The following ALX3 variants were observed in gnomAD, a reference collection of about 807,000 sequenced individuals.
ALX3 encodes homeobox protein aristaless-like 3.
ALX3 carries 17 observed loss-of-function variants against 26.3 expected under a neutral mutation model. The observed-to-expected ratio is 0.65, with a 90% CI of 0.44 to 0.97. ALX3 has a LOEUF of 0.97. Among genes scored for constraint, ALX3 ranks in the 50% least tolerant of loss-of-function variants. The pLI is 0.00. For missense variants in ALX3, 461 were observed against 466.5 expected (o/e 0.99, Z 0.11); for synonymous variants, 208 against 201.4 (o/e 1.03, Z -0.28).
chr1:110,067,858 T>C (rs1440321891), intron 1 of ALX3, among the ~76,000 whole-genome samples: 1 of 152,212 alleles, frequency 6.6e-6, no homozygotes, highest in African/African-American at 2.4e-5. Context: ...TTCTCAGCGT[T>C]GGCCCAGAAG....
intron 1 of ALX3, 143 bp downstream of exon 1, chr1:110,070,193 T>G: frequency 3.2e-6 from 3 of 951,140 alleles, no homozygotes; most frequent in Non-Finnish European, 2.7e-6. Flanking sequence ...CCGGCTTCCG[T>G]GGAAGCCGTG....
intron 1 of ALX3, 82 bp from the exon 2 acceptor site, chr1:110,064,985 T>C: frequency 7.4e-7 from 1 of 1,343,354 alleles, no homozygotes; most frequent in Non-Finnish European, 1.0e-6. Context: ...GGGAAGAACA[T>C]TGACGCCTCA....
At chr1:110,066,703 A>AG (rs1653800692) in intron 1 of ALX3, among the ~76,000 whole-genome samples, 1 of 151,900 alleles carries the variant, frequency 6.6e-6, no homozygotes, top group Admixed American at 6.6e-5. Flanking sequence ...CAGGCAGAAA[A>AG]GGGGTGAGGG....
chr1:110,064,473 G>A, intron 2 of ALX3, 114 bp downstream of exon 2: 1 of 1,308,732 alleles, frequency 7.6e-7, no homozygotes. Context: ...CAGGCCCCTG[G>A]GAAAGGTAGC....
chr1:110,060,955 G>A lies in ALX3; in HGVS notation c.810C>T (p.Cys270=), dbSNP rs1281168732. Residue 270 remains cysteine (C), a synonymous_variant, in exon 4 of 4, where the codon TGC becomes TGT. Transcript: ENST00000647563. The part of the protein sequence containing the change: ...LVSPEGIPSP[C]MSPYSHPHGS... ...CATGGGGGTGGGAATATGGAGACAT[G>A]CATGGGGAGGGGATGCCCTCTGGAG... 1 of 1,613,102 alleles carries A rather than the reference G, an allele frequency of 6.2e-7. No individual in the cohort carries two copies. The highest frequency in any genetic ancestry group is 8.5e-7 in the Non-Finnish European group (1 of 1,179,722).
chr1:110,068,789 C>T (rs1454592378), intron 1 of ALX3, among the ~76,000 whole-genome samples: 1 of 152,048 alleles, frequency 6.6e-6, no homozygotes, highest in African/African-American at 2.4e-5. Flanking sequence ...TTCAATTTCC[C>T]TTCCCCTTTT....
rs746523989 is a variant in ALX3 at position 110,064,741 on chromosome 1, G to A, written c.440C>T (p.Ala147Val). ...SPGLPDSMEL[A>V]KNKSKKRRNR... ...ACGACGCTTCTTGCTCTTGTTCTTG[G>A]CCAACTCCATGGAGTCAGGGAGTCC... The change falls in exon 2 of 4, where the codon GCC becomes GTC. Residue 147 changes from alanine (A) to valine (V), a missense_variant. By Grantham distance (64) the Ala-to-Val change is moderately conservative. Around this residue, in one of 3 missense-constraint regions of ALX3, gnomAD observed 241 missense variants for 206.1 expected, o/e 1.17. Transcript: ENST00000647563. 6.2e-7 allele frequency: 1 copy of A among 1,614,214 alleles called. No individual in the cohort carries two copies. The highest frequency in any genetic ancestry group is 1.1e-5 in the South Asian group (1 of 91,082).
Position 110,060,622 on chromosome 1 carries a change from CTGCTCTCGCAGCCTCCAGAACCAT to C in ALX3, c.*87_*110del. On this transcript the variant is annotated 3_prime_UTR_variant, in exon 4 of 4. Transcript: ENST00000647563. ...CCCTGCTGGGGGCTGACAGTGCCAG[CTGCTCTCGCAGCCTCCAGAACCAT>C]CTGGGGCTTGGAGGCAGAGGTGGGC... is the stretch of plus-strand genomic sequence containing the variant. 1 of 441,318 alleles carries C rather than the reference CTGCTCTCGCAGCCTCCAGAACCAT, an allele frequency of 2.3e-6. No individual in the cohort carries two copies. The highest frequency in any genetic ancestry group is 3.0e-6 in the Non-Finnish European group (1 of 335,834). 27.3% of individuals were successfully genotyped at this position (441,318 alleles called of 1,614,324 possible). A position where few individuals can be genotyped will look rare whatever the true frequency, so the allele number is the denominator to read the frequency against.
intron 1 of ALX3, 73 bp downstream of exon 1, chr1:110,070,263 G>T: frequency 7.9e-7 from 1 of 1,265,214 alleles, no homozygotes. Context: ...TAAGCAGGAA[G>T]GCCCGGGTGG....
chr1:110,070,332 T>C lies in ALX3; in HGVS notation c.277+4A>G, dbSNP rs777056028. 5.4e-6 allele frequency: 7 copies of C among 1,292,042 alleles called. No individual in the cohort carries two copies. The Admixed American group carries it at 1.2e-4, about 23-fold the overall frequency. The allele number at this position is 1,292,042 out of a possible 1,614,324, so 80.0% of individuals were successfully genotyped here. On this transcript the variant is annotated splice_donor_region_variant and intron_variant, in intron 1 of 3. Coordinates refer to ENST00000647563, the MANE Select transcript of ALX3 (RefSeq NM_006492.3). ...TGCGCGCTACGCCCCGCGCCGCGCG[T>C]TACCTTCCGCGGGGCCCTCGTAGAA... is the stretch of plus-strand genomic sequence containing the variant.
In ALX3 at chr1:110,060,550, C is replaced by T. The variant is rs181219574; in HGVS notation, c.*183G>A. 10 of 429,724 alleles carry T rather than the reference C, an allele frequency of 2.3e-5. No individual in the cohort carries two copies. Among genetic ancestry groups the T allele is most frequent in the Middle Eastern group, 6.2e-4 (1 of 1,602 alleles). 26.6% of individuals were successfully genotyped at this position (429,724 alleles called of 1,614,324 possible). A position where few individuals can be genotyped will look rare whatever the true frequency, so the allele number is the denominator to read the frequency against. ...CCTGGCTGCTTCGAAGCCCCTTCTCCTAGGCAGCCCCACCTTGTTCTAAGA... is the reference window on the plus strand; with the variant it reads ...CCTGGCTGCTTCGAAGCCCCTTCTCTTAGGCAGCCCCACCTTGTTCTAAGA... On this transcript the variant is annotated 3_prime_UTR_variant, in exon 4 of 4. Coordinates refer to ENST00000647563, the MANE Select transcript of ALX3 (RefSeq NM_006492.3).
At chr1:110,067,590 C>T (rs993981606) in intron 1 of ALX3, among the ~76,000 whole-genome samples, 2 of 152,232 alleles carry the variant, frequency 1.3e-5, no homozygotes, top group African/African-American at 4.8e-5. Context: ...CAGGAAGCAG[C>T]GCCGCAGCAG....
rs1243868299 is a variant in ALX3, at chr1:110,064,894, T to G, written c.287A>C (p.Lys96Thr). 1 of 1,607,022 alleles carries G rather than the reference T, an allele frequency of 6.2e-7. No homozygotes were observed. Residue 96 changes from lysine to threonine, a missense_variant, in exon 2 of 4, where the codon AAG becomes ACG. Lys to Thr is a moderately conservative substitution (Grantham distance 78). Transcript: ENST00000647563. ...GGGGAAGCTGGCAGCTTTGGAGGTC[T>G]TCTCCTCAGCTGCAATGGAGAACAC... is the stretch of plus-strand genomic sequence containing the variant. ...FYEGPAEAEE[K>T]TSKAASFPQL... is the part of the protein sequence containing the mutation.
At position 110,063,214 on chromosome 1, in the gene ALX3, G is replaced by A. The variant is rs183615772; in HGVS notation, c.594+1373C>T. ...TCCACCTCCCACAAACACTTGCTTT[G>A]GGAAGAGCTGGTTAGACCACACCCC... On this transcript the variant is annotated intron_variant, in intron 2 of 3. Transcript: ENST00000647563. Among the ~76,000 whole-genome samples, 70 of 152,298 alleles carry A rather than the reference G, an allele frequency of 4.6e-4. 1 individual carries two copies. Among genetic ancestry groups the A allele is most frequent in the African/African-American group, 1.5e-3 (62 of 41,562 alleles).
chr1:110,063,459 C>T (rs3820664), intron 2 of ALX3, among the ~76,000 whole-genome samples: 39,550 of 152,016 alleles, frequency 0.26, 5,416 homozygotes, highest in South Asian at 0.48. Context: ...TTGGATGCAG[C>T]CGTAGGGCCT....
rs771353213 is a variant in ALX3 at position 110,070,434 on chromosome 1, T to C, written c.179A>G (p.Tyr60Cys). The stretch of plus-strand genomic sequence containing the variant: ...GGGCGGCTTGGCCGGCTCTGGGAGG[T>C]AGGGCTCCAGGGGCCCGCAGGCCGG... ...RFPACGPLEP[Y>C]LPEPAKPPAK... The change falls in exon 1 of 4, where the codon TAC (tyrosine) becomes TGC (cysteine). Residue 60 changes from tyrosine (Y) to cysteine (C), a missense_variant. Around this residue, in one of 3 missense-constraint regions of ALX3, gnomAD observed 241 missense variants for 206.1 expected, o/e 1.17. Coordinates refer to ENST00000647563, the MANE Select transcript of ALX3 (RefSeq NM_006492.3). The C allele has an allele frequency of 5.5e-6, 7 of 1,265,276 alleles. No individual in the cohort carries two copies. The highest frequency in any genetic ancestry group is 3.5e-5 in the South Asian group (1 of 28,758). 78.4% of individuals were successfully genotyped at this position (1,265,276 alleles called of 1,614,324 possible).
intron 1 of ALX3, among the ~76,000 whole-genome samples, chr1:110,070,096 C>T (rs1653881133): frequency 6.6e-6 from 1 of 152,152 alleles, no homozygotes; most frequent in Non-Finnish European, 1.5e-5. Flanking sequence ...TTCCCTCGAC[C>T]TCCCGCCTTC....
intron 2 of ALX3, chr1:110,062,479 T>C (rs560764721): frequency 6.6e-6 from 1 of 152,086 alleles, no homozygotes; most frequent in South Asian, 2.1e-4. Context: ...TGTATTTCTA[T>C]CATTTAATCA....
At position 110,070,638 on chromosome 1, in the gene ALX3, G is replaced by T. The variant is rs1653899733; in HGVS notation, c.-26C>A. 1.7e-6 allele frequency: 2 copies of T among 1,205,644 alleles called. No homozygotes were observed. Among genetic ancestry groups the T allele is most frequent in the East Asian group, 6.9e-5 (2 of 29,190 alleles). 74.7% of individuals were successfully genotyped at this position (1,205,644 alleles called of 1,614,324 possible). A position where few individuals can be genotyped will look rare whatever the true frequency, so the allele number is the denominator to read the frequency against. On this transcript the variant is annotated 5_prime_UTR_variant, in exon 1 of 4. Coordinates refer to ENST00000647563, the MANE Select transcript of ALX3 (RefSeq NM_006492.3). ...GCCGGCTCAGGGCGCACAGGCCTCC[G>T]GGGCTCCGGGGCTCGCGCTGCCCGC...
Sources: allele counts gnomAD v4.1 joint callset (sites outside exome capture counted in the v4.1 genomes callset), GRCh38; gene constraint gnomAD v4.1.1; regional missense constraint gnomAD v4.1.1; transcripts MANE v1.5; gene names NCBI Gene and HGNC (gene_info 2026-07-23, HGNC 2026-07-21).